DPP6: variants seen among roughly 807,000 people sequenced by gnomAD.
DPP6 encodes the protein A-type potassium channel modulatory protein DPP6.
Under a neutral mutation model 122.6 loss-of-function variants are expected in DPP6, and 69 were observed. The observed-to-expected ratio is 0.56, with a 90% CI of 0.46 to 0.69. The LOEUF is 0.69. Ranked by LOEUF, DPP6 falls within the 30% of genes least tolerant of loss-of-function variation. The pLI is 0.00. For missense variants in DPP6, 928 were observed against 1,116.9 expected, an observed-to-expected ratio of 0.83 and a Z score of 2.41; for synonymous variants, 418 against 433.1, an observed-to-expected ratio of 0.97 and a Z score of 0.43.
chr7:154,706,300 G>C (rs1024036785), intron 7 of DPP6, among the ~76,000 whole-genome samples: 1 of 152,100 alleles, frequency 6.6e-6, no homozygotes, highest in African/African-American at 2.4e-5. Context: ...CCTCTCCTGC[G>C]ATGCTCTCAT....
intron 1 of DPP6, among the ~76,000 whole-genome samples, chr7:154,342,472 A>G (rs1810016787): frequency 6.6e-6 from 1 of 152,252 alleles, no homozygotes; most frequent in African/African-American, 2.4e-5. Flanking sequence ...CAGAAGCAAC[A>G]TTAGAGTATC....
At chr7:154,682,872 G>C (rs1839368409) in intron 7 of DPP6, among the ~76,000 whole-genome samples, 2 of 152,214 alleles carry the variant, frequency 1.3e-5, no homozygotes, top group African/African-American at 4.8e-5. Context: ...AGCAGTGATA[G>C]ACGTGAGCAC....
intron 1 of DPP6, among the ~76,000 whole-genome samples, chr7:154,107,048 T>C (rs1360237627): frequency 2.6e-5 from 4 of 151,906 alleles, no homozygotes; most frequent in Non-Finnish European, 4.4e-5. Flanking sequence ...AAATCCAAAA[T>C]AGAATTACTG....
At chr7:154,060,539 G>A (rs1461941123) in intron 1 of DPP6, among the ~76,000 whole-genome samples, 1 of 134,816 alleles carries the variant, frequency 7.4e-6, no homozygotes, top group East Asian at 2.2e-4. Flanking sequence ...AGGTGTCCAA[G>A]TAGAAAGTTC....
At chr7:154,065,755 A>G (rs1802666890) in intron 1 of DPP6, among the ~76,000 whole-genome samples, 1 of 152,186 alleles carries the variant, frequency 6.6e-6, no homozygotes, top group Non-Finnish European at 1.5e-5. Context: ...CACGGACATC[A>G]GTGGCATAGA....
rs1297490534 is a variant in DPP6, at chr7:154,697,339, C to T, written c.762+27898C>T. Reference sequence around the variant, plus strand: ...GCCCACGAGAAGTTGCTCCTGTTCTCCTCCTCCCCTGCGAGGCTCCTCTCA... The same window carrying T: ...GCCCACGAGAAGTTGCTCCTGTTCTTCTCCTCCCCTGCGAGGCTCCTCTCA... On this transcript the variant is annotated intron_variant, in intron 7 of 25. Coordinates refer to ENST00000377770, the MANE Select transcript of DPP6 (RefSeq NM_130797.4). 2.6e-5 allele frequency among the ~76,000 whole-genome samples: 4 copies of T among 152,206 alleles called. 1 individual carries two copies. Among genetic ancestry groups the T allele is most frequent in the Admixed American group, 2.0e-4 (3 of 15,284 alleles).
At chr7:154,124,788 A>G (rs1585426849) in intron 1 of DPP6, among the ~76,000 whole-genome samples, 1 of 152,182 alleles carries the variant, frequency 6.6e-6, no homozygotes, top group Non-Finnish European at 1.5e-5. Context: ...GGCCGGTGAA[A>G]CTGGGAGATC....
At chr7:154,796,167 G>A in intron 12 of DPP6, 1 of 426,284 alleles carries the variant, frequency 2.3e-6, no homozygotes, top group Non-Finnish European at 4.1e-6. Flanking sequence ...TTAGATGCCA[G>A]CACCTTGCTG....
At chr7:154,305,573 C>CGTGTGT (rs143438546) in intron 1 of DPP6, 11 of 1,541,892 alleles carry the variant, frequency 7.1e-6, no homozygotes, top group Middle Eastern at 1.7e-4. Context: ...TTTGGGGGTC[C>CGTGTGT]GTGTGTGTGT....
At chr7:153,967,429 C>T (rs1335822787) in intron 1 of DPP6, among the ~76,000 whole-genome samples, 1 of 152,172 alleles carries the variant, frequency 6.6e-6, no homozygotes, top group East Asian at 1.9e-4. Flanking sequence ...CTAACTTCAG[C>T]CTGACAGGAC....
At chr7:154,745,955 G>T (rs1843017764) in intron 8 of DPP6, among the ~76,000 whole-genome samples, 1 of 152,152 alleles carries the variant, frequency 6.6e-6, no homozygotes, top group Non-Finnish European at 1.5e-5. Flanking sequence ...CACGAAGTTT[G>T]GAGGGGACAG....
intron 1 of DPP6, among the ~76,000 whole-genome samples, chr7:154,275,122 C>G (rs74863873): frequency 0.018 from 2,697 of 152,372 alleles, 86 homozygotes; most frequent in African/African-American, 0.061. Flanking sequence ...CCCGCCTGGC[C>G]TGGTGGCTGG....
chr7:154,024,233 AC>A (rs2129052954), intron 1 of DPP6, among the ~76,000 whole-genome samples: 1 of 152,346 alleles, frequency 6.6e-6, no homozygotes, highest in Non-Finnish European at 1.5e-5. Flanking sequence ...GTATCAATCC[AC>A]AAATTAGCAG....
chr7:153,940,329 G>A (rs1801640320), intron 1 of DPP6, among the ~76,000 whole-genome samples: 1 of 152,074 alleles, frequency 6.6e-6, no homozygotes, highest in Non-Finnish European at 1.5e-5. Context: ...GGCTTTGGTG[G>A]GATTGATATG....
intron 2 of DPP6, among the ~76,000 whole-genome samples, chr7:154,465,128 C>G (rs1821670136): frequency 6.6e-6 from 1 of 151,864 alleles, no homozygotes; most frequent in Non-Finnish European, 1.5e-5. Context: ...GTAACTGAAA[C>G]TGTGGAAAGC....
intron 1 of DPP6, among the ~76,000 whole-genome samples, chr7:154,228,933 C>T (rs112752490): frequency 6.6e-6 from 1 of 152,200 alleles, no homozygotes; most frequent in Non-Finnish European, 1.5e-5. Context: ...AAAAAGAGGT[C>T]AAATGGAGCC....
At chr7:154,206,925 G>T (rs1394368580) in intron 1 of DPP6, among the ~76,000 whole-genome samples, 1 of 152,222 alleles carries the variant, frequency 6.6e-6, no homozygotes, top group Non-Finnish European at 1.5e-5. Context: ...CAGACATGAG[G>T]TGTAGCTAGA....
the DPP6 span, among the ~76,000 whole-genome samples, chr7:153,771,652 T>A: frequency 5.9e-5 from 9 of 152,310 alleles, no homozygotes. Flanking sequence ...CCTGAAGTGA[T>A]CTTTTTGAAA....
intron 5 of DPP6, among the ~76,000 whole-genome samples, chr7:154,569,478 A>G (rs937320673): frequency 1.3e-5 from 2 of 152,006 alleles, no homozygotes; most frequent in African/African-American, 4.8e-5. Flanking sequence ...GGGTATTACA[A>G]CATGTGATTC....
Sources: gnomAD v4.1 joint callset for allele counts (sites outside exome capture counted in the v4.1 genomes callset) on GRCh38, gnomAD v4.1.1 for gene constraint, MANE v1.5 for transcripts, NCBI Gene and HGNC (gene_info 2026-07-23, HGNC 2026-07-21) for gene names.